HDAC9: variants seen among roughly 807,000 people sequenced by gnomAD.
HDAC9 encodes the protein MEF-2 interacting transcription repressor (MITR) protein.
HDAC9 carries 41 observed loss-of-function variants against 139.4 expected under a neutral mutation model. That is an observed-to-expected ratio of 0.29 (90% CI 0.23 to 0.38). HDAC9 has a LOEUF of 0.38. HDAC9 is among the 10% of genes least tolerant of loss of function. The pLI is 1.00. For missense variants in HDAC9, 1,147 were observed against 1,297.0 expected (o/e 0.88, Z 1.78); for synonymous variants, 517 against 476.2 (o/e 1.09, Z -1.12).
At chr7:18,668,104 T>C in intron 12 of HDAC9, 2 of 922,054 alleles carry the variant, frequency 2.2e-6, no homozygotes, top group South Asian at 5.0e-5. Context: ...TGCTGTGACA[T>C]TTAAAAATAT....
intron 12 of HDAC9, among the ~76,000 whole-genome samples, chr7:18,694,406 A>G (rs1052104217): frequency 6.6e-6 from 1 of 152,138 alleles, no homozygotes; most frequent in Non-Finnish European, 1.5e-5. Flanking sequence ...CATTTTCTTT[A>G]GGGTTAATTT....
intron 22 of HDAC9, among the ~76,000 whole-genome samples, chr7:18,900,002 A>C: frequency 6.6e-6 from 1 of 152,252 alleles, no homozygotes; most frequent in Middle Eastern, 3.4e-3. Context: ...ATGGATTTCA[A>C]ACAAGGAGTT....
chr7:18,617,951 C>G (rs747470676), intron 6 of HDAC9, among the ~76,000 whole-genome samples: 3 of 152,124 alleles, frequency 2.0e-5, no homozygotes, highest in Non-Finnish European at 4.4e-5. Context: ...CTGGGTAAAT[C>G]AGAAGAAAAC....
At chr7:18,803,590 T>C (rs1162668295) in intron 17 of HDAC9, among the ~76,000 whole-genome samples, 2 of 152,208 alleles carry the variant, frequency 1.3e-5, no homozygotes, top group South Asian at 2.1e-4. Flanking sequence ...CTCAGCACTT[T>C]AAATATCTTC....
intron 6 of HDAC9, among the ~76,000 whole-genome samples, chr7:18,621,262 C>T (rs1184193928): frequency 6.6e-6 from 1 of 151,564 alleles, no homozygotes; most frequent in African/African-American, 2.4e-5. Flanking sequence ...TAATGATTCT[C>T]ATTTTCAAAT....
chr7:18,308,584 T>G (rs566209717), intron 1 of HDAC9, among the ~76,000 whole-genome samples: 1 of 152,296 alleles, frequency 6.6e-6, no homozygotes, highest in South Asian at 2.1e-4. Context: ...TGCTACTTCA[T>G]GGAGAAAAAT....
intron 1 of HDAC9, among the ~76,000 whole-genome samples, chr7:18,330,362 T>G (rs1370563741): frequency 6.6e-6 from 1 of 151,552 alleles, no homozygotes; most frequent in Non-Finnish European, 1.5e-5. Context: ...GATTATATTT[T>G]TCTCCTAAAA....
intron 1 of HDAC9, among the ~76,000 whole-genome samples, chr7:18,154,077 C>G (rs941538893): frequency 6.6e-6 from 1 of 152,176 alleles, no homozygotes; most frequent in Non-Finnish European, 1.5e-5. Context: ...ATAGAAAGAT[C>G]TATACAATAT....
In HDAC9 at chr7:18,940,020, G is replaced by T. The variant is rs180937986; in HGVS notation, c.2937+4078G>T. Among the ~76,000 whole-genome samples, 209 of 152,204 alleles carry T rather than the reference G, an allele frequency of 1.4e-3. 2 individuals are homozygous for T. Among genetic ancestry groups the T allele is most frequent in the Admixed American group, 9.4e-3 (143 of 15,286 alleles). ...TTCATAAACATTTTGCCAGTTTTTTGAATGCTATTTCTTTCCCTTGTTGTT... is the reference window on the plus strand; with the variant it reads ...TTCATAAACATTTTGCCAGTTTTTTTAATGCTATTTCTTTCCCTTGTTGTT... On this transcript the variant is annotated intron_variant, in intron 23 of 25. Transcript: ENST00000686413.
chr7:18,733,058 TATATAC>T (rs1786479026), intron 13 of HDAC9, among the ~76,000 whole-genome samples: 2 of 146,160 alleles, frequency 1.4e-5, no homozygotes. Flanking sequence ...TATACATGTG[TATATAC>T]GTATATACAC....
At chr7:18,906,852 A>G (rs1802303714) in intron 22 of HDAC9, 1 of 152,256 alleles carries the variant, frequency 6.6e-6, no homozygotes, top group African/African-American at 2.4e-5. Context: ...GAATGTGATA[A>G]CAGCTGATAT....
At chr7:18,734,945 G>T (rs1321181916) in intron 13 of HDAC9, among the ~76,000 whole-genome samples, 1 of 152,186 alleles carries the variant, frequency 6.6e-6, no homozygotes, top group African/African-American at 2.4e-5. Flanking sequence ...GGTGTGAAAT[G>T]GTATCTCATT....
chr7:18,158,730 C>G (rs1185003699), intron 1 of HDAC9, among the ~76,000 whole-genome samples: 1 of 152,322 alleles, frequency 6.6e-6, no homozygotes. Context: ...GATGCTATTA[C>G]TATTGAGAAG....
At chr7:18,167,715 A>G (rs1389418140) in intron 2 of HDAC9, among the ~76,000 whole-genome samples, 3 of 152,090 alleles carry the variant, frequency 2.0e-5, no homozygotes, top group Non-Finnish European at 4.4e-5. Flanking sequence ...AAGGTACATC[A>G]CTTTTGTTCA....
At chr7:18,534,960 G>C (rs1810385753) in intron 2 of HDAC9, among the ~76,000 whole-genome samples, 1 of 152,168 alleles carries the variant, frequency 6.6e-6, no homozygotes, top group African/African-American at 2.4e-5. Flanking sequence ...CTGCGCTTTT[G>C]ACCTTGCGCT....
At chr7:18,287,210 T>C (rs1303882435), upstream of HDAC9, among the ~76,000 whole-genome samples, 2 of 152,196 alleles carry the variant, frequency 1.3e-5, no homozygotes, top group Non-Finnish European at 2.9e-5. Context: ...TTGCTTATTT[T>C]TTTTTACTGC....
rs571829263 is a variant in HDAC9 at position 18,590,499 on chromosome 7, A to C, written c.415+13A>C. The C allele has an allele frequency of 9.5e-6, 15 of 1,585,702 alleles. No individual in the cohort carries two copies. The highest frequency in any genetic ancestry group is 8.6e-7 in the Non-Finnish European group (1 of 1,165,860). ...AGAGGACGAGAAAGTAAGAGGCACC[A>C]GGGTAAACGATGGACTCTCTTTCCT... is the stretch of plus-strand genomic sequence containing the variant. On this transcript the variant is annotated intron_variant, in intron 4 of 25. Transcript: ENST00000686413.
intron 1 of HDAC9, among the ~76,000 whole-genome samples, chr7:18,403,120 A>G (rs996573803): frequency 3.3e-5 from 5 of 152,196 alleles, no homozygotes; most frequent in African/African-American, 1.2e-4. Flanking sequence ...ATCTTTATTT[A>G]CAGATTTGGA....
Position 19,000,034 on chromosome 7 carries a change from A to T in HDAC9, c.*3972A>T, listed in dbSNP as rs1214098799. On this transcript the variant is annotated 3_prime_UTR_variant, in exon 26 of 26. Coordinates refer to ENST00000686413, the MANE Select transcript of HDAC9 (RefSeq NM_178425.4). ...GCTGAGAAAATAAGGGGAAAACAAG[A>T]TAGAAGTAAAAAACAACACACCTGT... 1 of 152,236 alleles carries T rather than the reference A, an allele frequency of 6.6e-6. No homozygotes were observed. The highest frequency in any genetic ancestry group is 1.5e-5 in the Non-Finnish European group (1 of 68,038). 9.4% of individuals were successfully genotyped at this position (152,236 alleles called of 1,614,324 possible). A position where few individuals can be genotyped will look rare whatever the true frequency, so the allele number is the denominator to read the frequency against.
Sources: allele counts gnomAD v4.1 joint callset (sites outside exome capture counted in the v4.1 genomes callset), GRCh38; gene constraint gnomAD v4.1.1; transcripts MANE v1.5; gene names NCBI Gene and HGNC (gene_info 2026-07-23, HGNC 2026-07-21).